The following PCDHGB1 variants were observed in gnomAD, a reference collection of about 807,000 sequenced individuals.
The protein encoded by PCDHGB1 is protocadherin gamma-B1.
A neutral mutation model predicts 56.6 loss-of-function variants in PCDHGB1; 34 were observed. The observed-to-expected ratio is 0.60, with a 90% CI of 0.46 to 0.80. PCDHGB1 has a LOEUF of 0.80. Ranked by LOEUF, PCDHGB1 falls within the 30% of genes least tolerant of loss-of-function variation. The probability of loss-of-function intolerance (pLI) is 0.00; values close to 1 mark genes in which losing one functional copy is unlikely to be tolerated. For missense variants in PCDHGB1, 1,278 were observed against 1,204.6 expected (o/e 1.06, Z -0.90); for synonymous variants, 561 against 505.9 (o/e 1.11, Z -1.46).
At position 141,432,195 on chromosome 5, in the gene PCDHGB1, C is replaced by G; in HGVS notation, c.2410-62612C>G. 1 of 1,614,206 alleles carries G rather than the reference C, an allele frequency of 6.2e-7. No individual in the cohort carries two copies. The highest frequency in any genetic ancestry group is 8.5e-7 in the Non-Finnish European group (1 of 1,180,050). On this transcript the variant is annotated intron_variant, in intron 1 of 3. Transcript: ENST00000523390. The surrounding 1 kb of genome is among the most constrained non-coding windows in gnomAD (Gnocchi z 6.0). ...CTCGTCTCTGTGACCGCCCACGACC[C>G]CGACTGTGAAGAGAACGCCCAGATC...
intron 1 of PCDHGB1, chr5:141,392,959 C>T (rs2092637209): frequency 6.2e-7 from 1 of 1,613,902 alleles, no homozygotes; most frequent in African/African-American, 1.3e-5. Flanking sequence ...GGTAATATCT[C>T]CAAGGACCTG....
chr5:141,466,197 G>A (rs2099118639), intron 1 of PCDHGB1, among the ~76,000 whole-genome samples: 1 of 151,666 alleles, frequency 6.6e-6, no homozygotes, highest in South Asian at 2.1e-4. Flanking sequence ...TTCAGACACA[G>A]CCTTGCTCTG....
chr5:141,471,786 A>AT (rs531568169), intron 1 of PCDHGB1, among the ~76,000 whole-genome samples: 23 of 152,362 alleles, frequency 1.5e-4, no homozygotes, highest in African/African-American at 5.5e-4. Flanking sequence ...ACATTATGCT[A>AT]TGTCATATAA....
chr5:141,394,184 C>G, intron 1 of PCDHGB1: 1 of 1,613,944 alleles, frequency 6.2e-7, no homozygotes, highest in Non-Finnish European at 8.5e-7. Context: ...ATGCCTCCTA[C>G]TCAGCGTATA....
chr5:141,405,394 C>T, intron 1 of PCDHGB1: 4 of 1,593,132 alleles, frequency 2.5e-6, no homozygotes, highest in Non-Finnish European at 3.4e-6. Context: ...CATTTTTTTT[C>T]TTTCTTTCTT....
At chr5:141,360,262 A>G in intron 1 of PCDHGB1, 1 of 1,613,978 alleles carries the variant, frequency 6.2e-7, no homozygotes, top group Non-Finnish European at 8.5e-7. Context: ...GGAGCTGGCC[A>G]AAAACTCGGT....
intron 1 of PCDHGB1, chr5:141,395,463 C>G (rs1164636639): frequency 6.9e-6 from 4 of 582,400 alleles, no homozygotes; most frequent in African/African-American, 5.7e-5. Flanking sequence ...CCATTTTAAG[C>G]CTTCCAGTAT....
Position 141,477,099 on chromosome 5 carries a change from G to C in PCDHGB1, c.2410-17708G>C. On this transcript the variant is annotated intron_variant, in intron 1 of 3. Transcript: ENST00000523390. This position sits in a 1 kb window ranked among gnomAD's most constrained non-coding sequence, Gnocchi z 4.9. ...ATTTACATCCAGGCCAAAGACAAGG[G>C]CGCCAATCCCGAAGGAGCACATTGC... 6.2e-7 allele frequency: 1 copy of C among 1,614,256 alleles called. No individual in the cohort carries two copies. Among genetic ancestry groups the C allele is most frequent in the Non-Finnish European group, 8.5e-7 (1 of 1,180,054 alleles).
chr5:141,480,122 C>T (rs576224922), intron 1 of PCDHGB1, among the ~76,000 whole-genome samples: 1 of 151,948 alleles, frequency 6.6e-6, no homozygotes, highest in African/African-American at 2.4e-5. Flanking sequence ...CCTGGCATAT[C>T]ATAACTGTTA....
At chr5:141,394,868 C>T in intron 1 of PCDHGB1, 1 of 1,613,828 alleles carries the variant, frequency 6.2e-7, no homozygotes, top group Non-Finnish European at 8.5e-7. Flanking sequence ...TCGACCCGAA[C>T]GATTCGAGCC....
chr5:141,450,828 TA>T lies in PCDHGB1; in HGVS notation c.2410-43978del, dbSNP rs1427656987. Among the ~76,000 whole-genome samples the T allele has an allele frequency of 7.8e-4, 110 of 141,058 alleles. 1 individual carries two copies. The highest frequency in any genetic ancestry group is 1.8e-3 in the African/African-American group (65 of 36,868). The allele number at this position is 141,058 out of a possible 152,430, so 92.5% of individuals were successfully genotyped here. A position where few individuals can be genotyped will look rare whatever the true frequency, so the allele number is the denominator to read the frequency against. ...TTTATTTATTTAATATTATTATTAT[TA>T]TTTTTTTTTTTTTGAGATGGGGTCT... On this transcript the variant is annotated intron_variant, in intron 1 of 3. Transcript: ENST00000523390.
chr5:141,356,106 A>G, intron 1 of PCDHGB1: 3 of 1,613,884 alleles, frequency 1.9e-6, no homozygotes, highest in Non-Finnish European at 2.5e-6. Context: ...GGGATATAAC[A>G]ATATTGGGGG....
chr5:141,415,278 G>A (rs768587119), intron 1 of PCDHGB1: 4 of 1,614,212 alleles, frequency 2.5e-6, no homozygotes, highest in Non-Finnish European at 3.4e-6. Flanking sequence ...TGGTAGCGGT[G>A]GCCGCGGTCT....
chr5:141,455,817 A>G (rs1251279680), intron 1 of PCDHGB1, among the ~76,000 whole-genome samples: 3 of 151,882 alleles, frequency 2.0e-5, no homozygotes, highest in Non-Finnish European at 4.4e-5. Flanking sequence ...AAAACTTCCC[A>G]AGGACCCCTT....
At position 141,491,692 on chromosome 5, in the gene PCDHGB1, C is replaced by A. The variant is rs749349869; in HGVS notation, c.2410-3115C>A. The A allele has an allele frequency of 6.2e-7, 1 of 1,612,592 alleles. No homozygotes were observed. Among genetic ancestry groups the A allele is most frequent in the Non-Finnish European group, 8.5e-7 (1 of 1,179,338 alleles). On this transcript the variant is annotated intron_variant, in intron 1 of 3. Coordinates refer to ENST00000523390, the MANE Select transcript of PCDHGB1 (RefSeq NM_018922.3). This position sits in a 1 kb window ranked among gnomAD's most constrained non-coding sequence, Gnocchi z 6.9. ...GTCCCGCTCTAATACGCTGCGGGAG[C>A]GGAGCCAGGTGAGGGGCTCGGCGCC...
chr5:141,502,470 G>A (rs1017558920), intron 2 of PCDHGB1, among the ~76,000 whole-genome samples: 5 of 150,916 alleles, frequency 3.3e-5, no homozygotes, highest in Admixed American at 2.6e-4. Flanking sequence ...AATACTTCCC[G>A]CAGCATCACA....
At chr5:141,365,532 A>G in intron 1 of PCDHGB1, 1 of 1,613,862 alleles carries the variant, frequency 6.2e-7, no homozygotes, top group Non-Finnish European at 8.5e-7. Context: ...GTTGATAATT[A>G]CTATCACCTA....
At chr5:141,358,886 A>T (rs6863227) in intron 1 of PCDHGB1, among the ~76,000 whole-genome samples, 1,958 of 152,292 alleles carry the variant, frequency 0.013, 53 homozygotes, top group African/African-American at 0.045. Context: ...TGGCTCTGGG[A>T]TTATTTTATA....
rs746487145 is a variant in PCDHGB1 at position 141,505,415 on chromosome 5, G to A, written c.2491G>A (p.Gly831Ser). 7.4e-6 allele frequency: 12 copies of A among 1,614,074 alleles called. No individual in the cohort carries two copies. The East Asian group carries it at 1.3e-4, about 18-fold the overall frequency. Residue 831 changes from glycine to serine, a missense_variant, in exon 3 of 4, where the codon GGC (glycine) becomes AGC (serine). Gly to Ser is a moderately conservative substitution (Grantham distance 56, BLOSUM62 0). Coordinates refer to ENST00000523390, the MANE Select transcript of PCDHGB1 (RefSeq NM_018922.3). ...CAGCTCCCAAAATGGCGATGACACC[G>A]GCACCTGGCCCAACAACCAGTTTGA... ...TSGSQNGDDT[G>S]TWPNNQFDTE...
Sources: gnomAD v4.1 joint callset for allele counts (sites outside exome capture counted in the v4.1 genomes callset) on GRCh38, gnomAD v4.1.1 for gene constraint, Gnocchi (gnomAD v3.1) non-coding constraint, MANE v1.5 for transcripts, NCBI Gene and HGNC (gene_info 2026-07-23, HGNC 2026-07-21) for gene names.